GNL3L: variants seen among roughly 807,000 people sequenced by gnomAD.
GNL3L encodes the protein G protein nucleolar 3 like.
Under a neutral mutation model 42.9 loss-of-function variants are expected in GNL3L, and 4 were observed. The observed-to-expected ratio is 0.09, with a 90% CI of 0.05 to 0.21. The LOEUF is 0.21. Among genes scored for constraint, GNL3L ranks in the 10% least tolerant of loss-of-function variants. The probability of loss-of-function intolerance (pLI) is 1.00; values close to 1 mark genes in which losing one functional copy is unlikely to be tolerated. For missense variants in GNL3L, 412 were observed against 481.7 expected (o/e 0.86, Z 1.36); for synonymous variants, 159 against 176.3 (o/e 0.90, Z 0.78).
At chrX:54,606,863 A>G (rs960672496) in intron 16 of GNL3L, among the ~76,000 whole-genome samples, 1 of 107,031 alleles carries the variant, frequency 9.3e-6, no homozygotes, top group Non-Finnish European at 1.9e-5. Context: ...CTGGTCTTGA[A>G]CTCCTGGCCT....
chrX:54,591,592 CAAAA>C (rs56034612), intron 16 of GNL3L, among the ~76,000 whole-genome samples: 1 of 62,331 alleles, frequency 1.6e-5, no homozygotes. Flanking sequence ...GACTTTGTCT[CAAAA>C]AAAAAAAAAA....
chrX:54,604,568 C>G (rs1157127523), intron 16 of GNL3L, among the ~76,000 whole-genome samples: 1 of 110,463 alleles, frequency 9.1e-6, no homozygotes, highest in African/African-American at 3.3e-5. Context: ...GTTCAAAGGA[C>G]CTGAGGTGGG....
rs759654980 is a variant in GNL3L, at chrX:54,608,885, G to A, written c.*46-11960G>A. On this transcript the variant is annotated intron_variant, in intron 16 of 16. Transcript: ENST00000674498. ...GTAGATACCCAGTAGTGGGATTGCT[G>A]GATCAAATGGTAGTTCTACTTTTAG... Among the ~76,000 whole-genome samples the A allele has an allele frequency of 8.9e-5, 10 of 111,877 alleles. No individual in the cohort carries two copies. In the South Asian group the frequency reaches 3.7e-3, roughly 42 times the overall value.
intron 6 of GNL3L, 57 bp from the exon 7 acceptor site, chrX:54,543,150 G>C: frequency 8.6e-7 from 1 of 1,165,932 alleles, no homozygotes; most frequent in Non-Finnish European, 1.2e-6. Flanking sequence ...TCACAGGCCT[G>C]CATCACTGCT....
At chrX:54,570,311 T>A (rs997893206), downstream of GNL3L, among the ~76,000 whole-genome samples, 1 of 112,296 alleles carries the variant, frequency 8.9e-6, no homozygotes. Context: ...GAAATGAACT[T>A]CCTTGTATTC....
chrX:54,618,897 T>TA (rs1282704726), intron 16 of GNL3L, among the ~76,000 whole-genome samples: 5 of 110,723 alleles, frequency 4.5e-5, no homozygotes, highest in African/African-American at 1.3e-4. Context: ...ACCCTGTTTT[T>TA]AAAAAAAACC....
intron 4 of GNL3L, 49 bp downstream of exon 4, chrX:54,540,291 A>G: frequency 4.9e-6 from 4 of 808,462 alleles, no homozygotes; most frequent in Non-Finnish European, 3.8e-6. Flanking sequence ...CTTGAATGCC[A>G]GGTCCGCAGA....
intron 16 of GNL3L, among the ~76,000 whole-genome samples, chrX:54,592,428 A>G (rs935749103): frequency 8.9e-6 from 1 of 112,118 alleles, no homozygotes. Flanking sequence ...CCCATTCAGT[A>G]TGATACTAGC....
chrX:54,616,376 A>G (rs191649369), intron 16 of GNL3L, among the ~76,000 whole-genome samples: 51 of 112,679 alleles, frequency 4.5e-4, no homozygotes, highest in African/African-American at 1.6e-3. Flanking sequence ...ACTTAGCATA[A>G]TATTTTAACT....
At chrX:54,586,536 T>C (rs978112783) in intron 16 of GNL3L, among the ~76,000 whole-genome samples, 1 of 111,816 alleles carries the variant, frequency 8.9e-6, no homozygotes, top group Admixed American at 9.4e-5. Context: ...AATTCCCCTT[T>C]GGCAACCTCC....
At chrX:54,580,301 A>G (rs1270847297) in intron 16 of GNL3L, among the ~76,000 whole-genome samples, 1 of 107,447 alleles carries the variant, frequency 9.3e-6, no homozygotes, top group African/African-American at 3.4e-5. Flanking sequence ...TTCCAGTTTC[A>G]TCCATGTCCC....
the GNL3L span, among the ~76,000 whole-genome samples, chrX:54,630,662 T>TTTCCTTCCTTCCTTCCTTCC: frequency 0.018 from 962 of 53,223 alleles, 23 homozygotes; most frequent in Middle Eastern, 0.03. Flanking sequence ...TTTCTCCTTC[T>TTTCCTTCCTTCCTTCCTTCC]TTCCTTCCTT....
chrX:54,558,734 G>A, intron 15 of GNL3L, 79 bp downstream of exon 15: 1 of 679,136 alleles, frequency 1.5e-6, no homozygotes, highest in Non-Finnish European at 2.3e-6. Flanking sequence ...CTGGCTCACT[G>A]CAGTCTCCGC....
At chrX:54,583,166 A>C (rs903364264) in intron 16 of GNL3L, among the ~76,000 whole-genome samples, 1 of 110,833 alleles carries the variant, frequency 9.0e-6, no homozygotes, top group African/African-American at 3.3e-5. Context: ...TTAAAATTTG[A>C]TGAGGTCCTA....
chrX:54,601,658 G>A (rs972435906), intron 16 of GNL3L, among the ~76,000 whole-genome samples: 3 of 111,484 alleles, frequency 2.7e-5, no homozygotes, highest in Non-Finnish European at 5.7e-5. Flanking sequence ...TAACACATAT[G>A]TAGATTGGTT....
At chrX:54,599,798 G>A (rs1177881611) in intron 16 of GNL3L, among the ~76,000 whole-genome samples, 4 of 110,620 alleles carry the variant, frequency 3.6e-5, no homozygotes, top group Non-Finnish European at 7.6e-5. Context: ...ACTGTTCAAT[G>A]TTTGAATTCC....
At chrX:54,580,097 A>C (rs1181851962) in intron 16 of GNL3L, among the ~76,000 whole-genome samples, 1 of 96,721 alleles carries the variant, frequency 1.0e-5, no homozygotes, top group East Asian at 3.4e-4. Context: ...TGCTGCACCC[A>C]TTAACTCGTC....
At chrX:54,584,104 G>A (rs2147516665) in intron 16 of GNL3L, among the ~76,000 whole-genome samples, 1 of 97,163 alleles carries the variant, frequency 1.0e-5, no homozygotes, top group South Asian at 4.9e-4. Context: ...TTTTTTGAGA[G>A]CGAGAGTCTC....
downstream of GNL3L, among the ~76,000 whole-genome samples, chrX:54,567,329 G>A (rs937561698): frequency 9.3e-6 from 1 of 107,546 alleles, no homozygotes; most frequent in African/African-American, 3.4e-5. Context: ...TATTGTAGTC[G>A]CTGGGACTTC....
Sources: gnomAD v4.1 joint callset for allele counts (sites outside exome capture counted in the v4.1 genomes callset) on GRCh38, gnomAD v4.1.1 for gene constraint, MANE v1.5 for transcripts, NCBI Gene and HGNC (gene_info 2026-07-23, HGNC 2026-07-21) for gene names.